Variants in COLEC11 observed in about 807,000 individuals in gnomAD.
COLEC11 encodes the protein collectin subfamily member 11, also known as collectin-11.
A neutral mutation model predicts 27.3 loss-of-function variants in COLEC11; 20 were observed. The observed-to-expected ratio is 0.73, with a 90% confidence interval of 0.51 to 1.06. The LOEUF (loss-of-function observed/expected upper bound fraction) is 1.06. Ranked by LOEUF, COLEC11 falls within the 50% of genes least tolerant of loss-of-function variation. COLEC11 has a pLI of 0.00. For synonymous variants in COLEC11, 163 were observed against 154.7 expected (o/e 1.05, Z -0.40); for missense variants, 310 against 383.0 (o/e 0.81, Z 1.59).
intron 3 of COLEC11, among the ~76,000 whole-genome samples, chr2:3,614,210 C>G (rs918817979): frequency 2.0e-5 from 3 of 151,886 alleles, no homozygotes; most frequent in African/African-American, 7.3e-5. Context: ...CTCCTGGCCT[C>G]AAGTAATACA....
chr2:3,634,356 G>A (rs1665230303), intron 3 of COLEC11, among the ~76,000 whole-genome samples: 1 of 152,144 alleles, frequency 6.6e-6, no homozygotes, highest in Admixed American at 6.6e-5. Context: ...GGTGAATTCA[G>A]CTGGCTTTGC....
chr2:3,627,804 A>G (rs1664672055), intron 3 of COLEC11, among the ~76,000 whole-genome samples: 1 of 152,068 alleles, frequency 6.6e-6, no homozygotes, highest in African/African-American at 2.4e-5. Flanking sequence ...TGCTGGGCAC[A>G]ATGCTGCACA....
chr2:3,597,827 C>A lies in COLEC11; in HGVS notation c.-27+2659C>A, dbSNP rs148486093. Among the ~76,000 whole-genome samples the A allele has an allele frequency of 5.7e-3, 865 of 152,342 alleles. 6 individuals are homozygous for A. Among genetic ancestry groups the A allele is most frequent in the African/African-American group, 0.02 (839 of 41,570 alleles). On this transcript the variant is annotated intron_variant, in intron 1 of 6. Coordinates refer to ENST00000349077, the MANE Select transcript of COLEC11 (RefSeq NM_024027.5). Reference sequence around the variant, plus strand: ...CAAAATACTGCTGCTGAGGCAGGAGCCGGGGAGACTACGGTTATGAGCCCA... The same window carrying A: ...CAAAATACTGCTGCTGAGGCAGGAGACGGGGAGACTACGGTTATGAGCCCA...
intron 2 of COLEC11, among the ~76,000 whole-genome samples, chr2:3,607,102 T>C (rs1047788953): frequency 6.6e-6 from 1 of 152,080 alleles, no homozygotes; most frequent in African/African-American, 2.4e-5. Flanking sequence ...CCCTGTGTTT[T>C]GGATCCTGAA....
intron 5 of COLEC11, among the ~76,000 whole-genome samples, chr2:3,643,186 C>T (rs549117032): frequency 6.6e-6 from 1 of 152,280 alleles, no homozygotes; most frequent in Non-Finnish European, 1.5e-5. Flanking sequence ...CTGCTTCCCA[C>T]CCCTGCACCT....
At chr2:3,643,694 G>A in intron 6 of COLEC11, 33 bp from the exon 7 acceptor site, 6 of 1,613,304 alleles carry the variant, frequency 3.7e-6, no homozygotes, top group Non-Finnish European at 5.1e-6. Flanking sequence ...ACACATACAA[G>A]TGCTCACTTT....
chr2:3,631,502 C>G (rs1047179876), intron 3 of COLEC11, among the ~76,000 whole-genome samples: 1 of 152,132 alleles, frequency 6.6e-6, no homozygotes, highest in African/African-American at 2.4e-5. Context: ...TGGCCCTTCC[C>G]CCAAAGGCCT....
chr2:3,596,063 CTG>C lies in COLEC11; in HGVS notation c.-27+898_-27+899del, dbSNP rs1270155943. ...AAGAGAGGATAGGTGCCTTCTTACT[CTG>C]TGCTCTTGGTAAGAAGCTAAGAGGA... On this transcript the variant is annotated intron_variant, in intron 1 of 6. Transcript: ENST00000349077. Among the ~76,000 whole-genome samples the C allele has an allele frequency of 3.3e-5, 5 of 152,334 alleles. No homozygotes were observed. In the South Asian group the frequency reaches 8.3e-4, roughly 25 times the overall value.
intron 5 of COLEC11, chr2:3,641,502 T>G: frequency 1.8e-6 from 2 of 1,122,380 alleles, no homozygotes; most frequent in Non-Finnish European, 2.3e-6. Flanking sequence ...CAGGCCTAGC[T>G]TGGTCAGAGT....
chr2:3,606,343 C>A, intron 2 of COLEC11: 1 of 1,029,712 alleles, frequency 9.7e-7, no homozygotes, highest in Non-Finnish European at 1.5e-6. Context: ...TCCCAGCTGT[C>A]CACGTCCTGG....
intron 2 of COLEC11, among the ~76,000 whole-genome samples, chr2:3,611,354 G>A (rs1005879442): frequency 1.3e-5 from 2 of 152,156 alleles, no homozygotes; most frequent in Non-Finnish European, 2.9e-5. Flanking sequence ...GGCTCTTTCC[G>A]CTGCAGTGTG....
At chr2:3,626,829 T>C (rs1447833620) in intron 3 of COLEC11, among the ~76,000 whole-genome samples, 2 of 152,202 alleles carry the variant, frequency 1.3e-5, no homozygotes, top group Non-Finnish European at 2.9e-5. Context: ...ATCTCCTCCC[T>C]GAGACCTAGG....
At chr2:3,641,497 C>G in intron 5 of COLEC11, 1 of 1,142,298 alleles carries the variant, frequency 8.8e-7, no homozygotes, top group South Asian at 1.5e-5. Flanking sequence ...ATCGTCAGGC[C>G]TAGCTTGGTC....
In COLEC11 at chr2:3,606,182, T is replaced by A; in HGVS notation, c.130+1712T>A. The A allele has an allele frequency of 3.2e-6, 5 of 1,550,432 alleles. 1 individual carries two copies. In the Middle Eastern group the frequency reaches 5.0e-4, roughly 155 times the overall value. ...TGGACTTTTGGCTGTGGAGGTCACG[T>A]CCCTGCCCAATGTGGTGGGTGCCTC... is the stretch of plus-strand genomic sequence containing the variant. On this transcript the variant is annotated intron_variant, in intron 2 of 6. Coordinates refer to ENST00000349077, the MANE Select transcript of COLEC11 (RefSeq NM_024027.5).
At position 3,643,470 on chromosome 2, in the gene COLEC11, C is replaced by A. The variant is rs1286607074; in HGVS notation, c.355C>A (p.Arg119Ser). 1 of 1,613,802 alleles carries A rather than the reference C, an allele frequency of 6.2e-7. No individual in the cohort carries two copies. The highest frequency in any genetic ancestry group is 8.5e-7 in the Non-Finnish European group (1 of 1,179,986). The change falls in exon 6 of 7, where the codon CGC becomes AGC. Residue 119 changes from arginine (R) to serine (S), a missense_variant. By Grantham distance (110) the Arg-to-Ser change is moderately radical. Coordinates refer to ENST00000349077, the MANE Select transcript of COLEC11 (RefSeq NM_024027.5). ...PGLPCECSQL[R>S]KAIGEMDNQV... ...CCTCCCATGTGAGTGCAGCCAGCTG[C>A]GCAAGGCCATCGGGGAGATGGACAA...
intron 3 of COLEC11, among the ~76,000 whole-genome samples, chr2:3,625,518 G>C (rs1035645019): frequency 2.6e-5 from 4 of 152,144 alleles, no homozygotes; most frequent in Admixed American, 6.5e-5. Flanking sequence ...TGTGGCATTT[G>C]GCATCCCAGG....
chr2:3,605,539 T>G (rs866981919), intron 2 of COLEC11, among the ~76,000 whole-genome samples: 5 of 6,400 alleles, frequency 7.8e-4, no homozygotes, highest in Non-Finnish European at 8.9e-4. Flanking sequence ...AGTCACGTGG[T>G]TGATGAGGGG....
chr2:3,596,808 G>C (rs1163281379), intron 1 of COLEC11, among the ~76,000 whole-genome samples: 5 of 152,194 alleles, frequency 3.3e-5, no homozygotes, highest in Non-Finnish European at 7.3e-5. Context: ...GGTAGCTGTG[G>C]CTTCTCCGTT....
At chr2:3,611,196 AAAAC>A (rs57297621) in intron 2 of COLEC11, among the ~76,000 whole-genome samples, 101,217 of 151,698 alleles carry the variant, frequency 0.67, 34,839 homozygotes, top group South Asian at 0.88. Context: ...TCGTAACTTC[AAAAC>A]AAACAAACAA....
Sources: gnomAD v4.1 joint callset for allele counts (sites outside exome capture counted in the v4.1 genomes callset) on GRCh38, gnomAD v4.1.1 for gene constraint, MANE v1.5 for transcripts, NCBI Gene and HGNC (gene_info 2026-07-23, HGNC 2026-07-21) for gene names.